Variants in GABRR2 observed in about 807,000 individuals in gnomAD.
GABRR2 encodes the protein gamma-aminobutyric acid receptor subunit rho-2.
Under a neutral mutation model 47.0 loss-of-function variants are expected in GABRR2, and 36 were observed. The ratio of observed to expected loss-of-function variants is 0.77; its 90% confidence interval spans 0.59 to 1.01. GABRR2 has a LOEUF of 1.01. Ranked by LOEUF, GABRR2 falls within the 50% of genes least tolerant of loss-of-function variation. The pLI is 0.00. For synonymous variants in GABRR2, 204 were observed against 227.5 expected (o/e 0.90, Z 0.93); for missense variants, 587 against 594.6 (o/e 0.99, Z 0.13).
At chr6:89,301,988 C>A (rs1388452838) in intron 1 of GABRR2, 18 of 752,746 alleles carry the variant, frequency 2.4e-5, no homozygotes, top group Non-Finnish European at 3.8e-5. Context: ...CGACCTGGAG[C>A]CCGGGACCAT....
At chr6:89,302,442 G>T in intron 1 of GABRR2, 1 of 583,904 alleles carries the variant, frequency 1.7e-6, no homozygotes, top group African/African-American at 1.9e-5. Context: ...CCACCTACGG[G>T]GACCTCAGCC....
At chr6:89,314,678 A>T (rs1470640292) in intron 1 of GABRR2, among the ~76,000 whole-genome samples, 3 of 152,204 alleles carry the variant, frequency 2.0e-5, no homozygotes, top group Non-Finnish European at 4.4e-5. Flanking sequence ...AGTTCTCCCC[A>T]AAATACTTGA....
chr6:89,278,905 C>T (rs1263972658), intron 2 of GABRR2, among the ~76,000 whole-genome samples: 1 of 152,186 alleles, frequency 6.6e-6, no homozygotes, highest in African/African-American at 2.4e-5. Flanking sequence ...TTTGTGGTCC[C>T]ACAGGTGGGT....
At chr6:89,269,355 A>G in intron 3 of GABRR2, 121 bp from the exon 4 acceptor site, 1 of 754,628 alleles carries the variant, frequency 1.3e-6, no homozygotes, top group Non-Finnish European at 2.3e-6. Context: ...CAGAGGTAAC[A>G]GTTCTGCAGC....
intron 2 of GABRR2, among the ~76,000 whole-genome samples, chr6:89,282,758 G>A (rs1023010128): frequency 2.0e-5 from 3 of 152,218 alleles, no homozygotes; most frequent in African/African-American, 7.2e-5. Flanking sequence ...CTTCCCACAA[G>A]GTCAACCTGC....
chr6:89,281,266 G>A (rs896111454), intron 2 of GABRR2, among the ~76,000 whole-genome samples: 1 of 152,188 alleles, frequency 6.6e-6, no homozygotes, highest in African/African-American at 2.4e-5. Context: ...AACTGACTCT[G>A]TTTCAGGACA....
chr6:89,280,039 A>G (rs1316719691), intron 2 of GABRR2, among the ~76,000 whole-genome samples: 1 of 151,814 alleles, frequency 6.6e-6, no homozygotes, highest in East Asian at 1.9e-4. Context: ...GCAAAATCCC[A>G]TCTCTACTAA....
rs766796323 is a variant in GABRR2 at position 89,257,897 on chromosome 6, C to T, written c.1171G>A (p.Gly391Arg). The T allele has an allele frequency of 1.2e-6, 2 of 1,613,934 alleles. No individual in the cohort carries two copies. The highest frequency in any genetic ancestry group is 2.2e-5 in the South Asian group (2 of 91,078). Residue 391 changes from glycine (G) to arginine (R), a missense_variant, in exon 9 of 9, where the codon GGG (glycine) becomes AGG (arginine). Transcript: ENST00000402938. ...GTCAGGATATGGCTTCTGGGGTACC[C>T]AGCCAGGCTGTTGGCCTCAGACTCA... ...YSESEANSLAGYPRSHILTEE... is the reference protein window; with the variant it reads ...YSESEANSLARYPRSHILTEE...
At chr6:89,284,338 T>C (rs1338617816) in intron 2 of GABRR2, among the ~76,000 whole-genome samples, 1 of 152,190 alleles carries the variant, frequency 6.6e-6, no homozygotes, top group African/African-American at 2.4e-5. Context: ...GGCAGAATAA[T>C]GCCCCAGAGA....
chr6:89,268,097 C>T lies in GABRR2; in HGVS notation c.513-1G>A. 1 of 1,605,712 alleles carries T rather than the reference C, an allele frequency of 6.2e-7. No homozygotes were observed. The highest frequency in any genetic ancestry group is 8.5e-7 in the Non-Finnish European group (1 of 1,175,688). On this transcript the variant is annotated splice_acceptor_variant, in intron 4 of 8. Coordinates refer to ENST00000402938, the MANE Select transcript of GABRR2 (RefSeq NM_002043.5). LOFTEE classifies it high-confidence loss of function. ...GTTGCACATGGCAGTGACCGTAATC[C>T]TAGACAACCCAGAGTCACATATTGG...
intron 2 of GABRR2, among the ~76,000 whole-genome samples, chr6:89,275,855 T>C (rs1051668822): frequency 6.6e-6 from 1 of 152,122 alleles, no homozygotes; most frequent in African/African-American, 2.4e-5. Flanking sequence ...CCAGAGTAGA[T>C]AAACCTTTGT....
intron 2 of GABRR2, among the ~76,000 whole-genome samples, chr6:89,284,581 G>A (rs531800103): frequency 6.6e-6 from 1 of 152,164 alleles, no homozygotes; most frequent in Non-Finnish European, 1.5e-5. Flanking sequence ...CCCGCTGTTG[G>A]CTGGCTTTGA....
At chr6:89,312,098 G>A (rs1480105414) in intron 1 of GABRR2, among the ~76,000 whole-genome samples, 1 of 152,230 alleles carries the variant, frequency 6.6e-6, no homozygotes, top group African/African-American at 2.4e-5. Flanking sequence ...GAGACCTGCA[G>A]GGGCCTGACA....
intron 2 of GABRR2, among the ~76,000 whole-genome samples, chr6:89,299,269 C>T (rs1774607797): frequency 6.6e-6 from 1 of 152,294 alleles, no homozygotes; most frequent in East Asian, 1.9e-4. Context: ...ATCAAAACAG[C>T]AAACTCCCAG....
intron 1 of GABRR2, among the ~76,000 whole-genome samples, chr6:89,310,368 T>C (rs1032711665): frequency 6.7e-6 from 1 of 149,376 alleles, no homozygotes; most frequent in Admixed American, 6.6e-5. Flanking sequence ...CCAGAAACTG[T>C]GTCTTTCAGA....
intron 2 of GABRR2, among the ~76,000 whole-genome samples, chr6:89,296,600 G>C (rs977339680): frequency 1.3e-5 from 2 of 152,126 alleles, no homozygotes; most frequent in African/African-American, 2.4e-5. Flanking sequence ...CCCTCCCCAG[G>C]GTCAGAAGCT....
At chr6:89,262,026 C>T (rs1200530288) in intron 8 of GABRR2, among the ~76,000 whole-genome samples, 1 of 124,706 alleles carries the variant, frequency 8.0e-6, no homozygotes, top group African/African-American at 3.3e-5. Context: ...CAGACCCTGT[C>T]TCAAAAAAAA....
intron 1 of GABRR2, among the ~76,000 whole-genome samples, chr6:89,312,044 G>A (rs1320455508): frequency 6.6e-6 from 1 of 152,200 alleles, no homozygotes; most frequent in Admixed American, 6.5e-5. Context: ...GGGTAGTGAG[G>A]AGGCAGCAGA....
intron 1 of GABRR2, chr6:89,302,074 C>A: frequency 1.6e-6 from 1 of 635,686 alleles, no homozygotes; most frequent in Non-Finnish European, 2.9e-6. Context: ...GTGGGGCCGG[C>A]AATAACTGGG....
Sources: gnomAD v4.1 joint callset for allele counts (sites outside exome capture counted in the v4.1 genomes callset) on GRCh38, gnomAD v4.1.1 for gene constraint, MANE v1.5 for transcripts, NCBI Gene and HGNC (gene_info 2026-07-23, HGNC 2026-07-21) for gene names.